MIR2052HG: variants seen among roughly 807,000 people sequenced by gnomAD.
MIR2052HG encodes MIR2052 host gene.
At chr8:74,658,216 C>G (rs1760705031) in intron 2 of MIR2052HG, among the ~76,000 whole-genome samples, 1 of 152,126 alleles carries the variant, frequency 6.6e-6, no homozygotes, top group African/African-American at 2.4e-5. Flanking sequence ...CATCTGCCAG[C>G]ATTCCCTTCC....
chr8:74,674,136 T>TTGTGTG (rs60255659), intron 2 of MIR2052HG, among the ~76,000 whole-genome samples: 27 of 145,430 alleles, frequency 1.9e-4, no homozygotes, highest in South Asian at 4.4e-4. Context: ...CCAGAGGTTT[T>TTGTGTG]TGTGTGTGTG....
intron 2 of MIR2052HG, among the ~76,000 whole-genome samples, chr8:74,643,430 AG>A (rs1442015109): frequency 6.6e-6 from 1 of 152,208 alleles, no homozygotes; most frequent in African/African-American, 2.4e-5. Flanking sequence ...AGGATTGGTA[AG>A]GGAAAAGATG....
chr8:74,683,660 C>T (rs573390687), intron 2 of MIR2052HG, among the ~76,000 whole-genome samples: 5 of 152,046 alleles, frequency 3.3e-5, no homozygotes, highest in African/African-American at 4.8e-5. Flanking sequence ...TGTATCTTAA[C>T]GTTTATTTTT....
chr8:74,623,932 T>C (rs967851318), intron 2 of MIR2052HG, among the ~76,000 whole-genome samples: 1 of 152,152 alleles, frequency 6.6e-6, no homozygotes, highest in African/African-American at 2.4e-5. Flanking sequence ...TTTTTAATCA[T>C]GAAATTAGAA....
intron 4 of MIR2052HG, among the ~76,000 whole-genome samples, chr8:74,738,900 A>G (rs1244866287): frequency 6.6e-6 from 1 of 152,220 alleles, no homozygotes; most frequent in African/African-American, 2.4e-5. Flanking sequence ...GATGTTGGCC[A>G]TTAGGAGATG....
At position 74,700,485 on chromosome 8, in the gene MIR2052HG, T is replaced by C. The variant is rs931986139; in HGVS notation, n.217-1894T>C. Among the ~76,000 whole-genome samples the C allele has an allele frequency of 7.2e-5, 11 of 152,296 alleles. No individual in the cohort carries two copies. The East Asian group carries it at 2.1e-3, about 29-fold the overall frequency. On this transcript the variant is annotated intron_variant and non_coding_transcript_variant, in intron 2 of 6. Coordinates refer to ENST00000523442, the Ensembl canonical transcript of MIR2052HG. ...AATAAAACAGGTGAAGTTAATTTAA[T>C]AACAATACTAGCTATATCAAATGAT...
At chr8:74,710,185 G>C (rs1257393945) in intron 4 of MIR2052HG, among the ~76,000 whole-genome samples, 1 of 152,070 alleles carries the variant, frequency 6.6e-6, no homozygotes, top group African/African-American at 2.4e-5. Flanking sequence ...TGGTTCCTTT[G>C]GGGGAAAGAA....
chr8:74,614,649 A>T (rs1808251262), intron 2 of MIR2052HG, among the ~76,000 whole-genome samples: 1 of 151,238 alleles, frequency 6.6e-6, no homozygotes. Context: ...TCTTTTCTTT[A>T]TTTCTATTCT....
intron 2 of MIR2052HG, among the ~76,000 whole-genome samples, chr8:74,630,684 G>A (rs1332450099): frequency 1.3e-5 from 2 of 152,182 alleles, no homozygotes; most frequent in Non-Finnish European, 2.9e-5. Context: ...GGACATTCCT[G>A]GCAGTGAGCT....
intron 2 of MIR2052HG, among the ~76,000 whole-genome samples, chr8:74,647,716 G>A (rs1808704480): frequency 6.6e-6 from 1 of 152,184 alleles, no homozygotes; most frequent in Non-Finnish European, 1.5e-5. Context: ...GGGACCGGCT[G>A]AAGCTGTGGC....
chr8:74,671,416 C>T (rs1230324070), intron 2 of MIR2052HG, among the ~76,000 whole-genome samples: 1 of 151,844 alleles, frequency 6.6e-6, no homozygotes, highest in Non-Finnish European at 1.5e-5. Flanking sequence ...TTTTTTAGTT[C>T]TTGCAAGTCT....
chr8:74,649,748 G>A (rs903678384), intron 2 of MIR2052HG, among the ~76,000 whole-genome samples: 1 of 152,068 alleles, frequency 6.6e-6, no homozygotes, highest in Non-Finnish European at 1.5e-5. Context: ...GTAGTTTGAA[G>A]AGTTTAGAGA....
At chr8:74,604,169 C>A in intron 1 of MIR2052HG, 1 of 894,290 alleles carries the variant, frequency 1.1e-6, no homozygotes, top group South Asian at 1.3e-5. Context: ...ATGATACTGC[C>A]AACTTCCTTT....
intron 2 of MIR2052HG, among the ~76,000 whole-genome samples, chr8:74,674,384 G>A (rs1809028711): frequency 6.6e-6 from 1 of 151,876 alleles, no homozygotes; most frequent in Admixed American, 6.6e-5. Flanking sequence ...ATCCTGGGAT[G>A]TAATGAACTA....
At chr8:74,603,511 A>C in intron 1 of MIR2052HG, 1 of 1,558,242 alleles carries the variant, frequency 6.4e-7, no homozygotes, top group Non-Finnish European at 8.9e-7. Flanking sequence ...TGGAATGGTA[A>C]GTTCATGAGA....
At chr8:74,626,010 A>G (rs751017911) in intron 2 of MIR2052HG, among the ~76,000 whole-genome samples, 13 of 152,156 alleles carry the variant, frequency 8.5e-5, no homozygotes, top group African/African-American at 2.2e-4. Flanking sequence ...AGAAGCCCCA[A>G]AGAGGCTCCT....
At chr8:74,630,528 G>GAA (rs200428495) in intron 2 of MIR2052HG, among the ~76,000 whole-genome samples, 59,722 of 125,188 alleles carry the variant, frequency 0.48, 13,832 homozygotes, top group Middle Eastern at 0.67. Context: ...AGATTTCTCT[G>GAA]AAAAAAAAAA....
intron 4 of MIR2052HG, among the ~76,000 whole-genome samples, chr8:74,739,373 A>G (rs537138881): frequency 2.6e-5 from 4 of 152,292 alleles, no homozygotes; most frequent in African/African-American, 7.2e-5. Flanking sequence ...AACGTTCCCC[A>G]GGGTTTTTGT....
At chr8:74,633,938 C>A (rs1479282102) in intron 2 of MIR2052HG, among the ~76,000 whole-genome samples, 1 of 152,164 alleles carries the variant, frequency 6.6e-6, no homozygotes, top group Non-Finnish European at 1.5e-5. Context: ...GCTTATTCAA[C>A]AATCACTGGG....
Sources: gnomAD v4.1 joint callset for allele counts (sites outside exome capture counted in the v4.1 genomes callset) on GRCh38, gnomAD v4.1.1 for gene constraint, MANE v1.5 for transcripts, NCBI Gene and HGNC (gene_info 2026-07-23, HGNC 2026-07-21) for gene names.